Variants in PPHLN1 observed in about 807,000 individuals in gnomAD.
The protein encoded by PPHLN1 is periphilin 1, also known as periphilin-1.
PPHLN1 carries 29 observed loss-of-function variants against 51.3 expected under a neutral mutation model. The ratio of observed to expected loss-of-function variants is 0.57; its 90% CI spans 0.42 to 0.77. PPHLN1 has a LOEUF of 0.77. PPHLN1 is among the 30% of genes least tolerant of loss of function. PPHLN1 has a pLI of 0.00. For synonymous variants in PPHLN1, 147 were observed against 147.8 expected (o/e 0.99, Z 0.04); for missense variants, 436 against 438.4 (o/e 0.99, Z 0.05).
rs575176479 is a variant in PPHLN1 at position 42,335,223 on chromosome 12, CT to C, written c.-20-658del. ...AAAGAATACACCGTCCCACCCCCCC[CT>C]TCTCTGAATCCCAAACCTGAAAAAT... On this transcript the variant is annotated intron_variant, in intron 1 of 9. Coordinates refer to ENST00000358314, the MANE Select transcript of PPHLN1 (RefSeq NM_201439.2). Among the ~76,000 whole-genome samples, 259 of 152,194 alleles carry C rather than the reference CT, an allele frequency of 1.7e-3. 3 individuals are homozygous for C. Among genetic ancestry groups the C allele is most frequent in the African/African-American group, 5.8e-3 (239 of 41,506 alleles).
At chr12:42,327,019 C>A (rs1194734938) in intron 1 of PPHLN1, among the ~76,000 whole-genome samples, 1 of 152,206 alleles carries the variant, frequency 6.6e-6, no homozygotes, top group Admixed American at 6.5e-5. Context: ...CTGAATGCCT[C>A]CGTGGCCGAC....
At chr12:42,431,345 A>G (rs2082019207) in intron 9 of PPHLN1, among the ~76,000 whole-genome samples, 2 of 152,254 alleles carry the variant, frequency 1.3e-5, no homozygotes, top group South Asian at 4.1e-4. Flanking sequence ...CATAAAGAAT[A>G]TTATGTTAGG....
rs1016868664 is a variant in PPHLN1, at chr12:42,337,273, T to C, written c.72+1299T>C. Among the ~76,000 whole-genome samples, 6 of 151,394 alleles carry C rather than the reference T, an allele frequency of 4.0e-5. No individual in the cohort carries two copies. In the East Asian group the frequency reaches 7.7e-4, roughly 19 times the overall value. ...GTTTTTTTTTTTCTTTTTTCTTTTT[T>C]TTTTTTTGAGATGGAGTTTCACTCT... On this transcript the variant is annotated intron_variant, in intron 2 of 9. Transcript: ENST00000358314.
At chr12:42,446,665 A>G, downstream of PPHLN1, 4 of 1,580,346 alleles carry the variant, frequency 2.5e-6, no homozygotes, top group South Asian at 1.2e-5. Flanking sequence ...GTACTCGTCA[A>G]TCAACAAAAC....
chr12:42,393,555 T>A lies in PPHLN1; in HGVS notation c.649-15T>A. 1.9e-6 allele frequency: 3 copies of A among 1,576,372 alleles called. No homozygotes were observed. The highest frequency in any genetic ancestry group is 2.6e-6 in the Non-Finnish European group (3 of 1,166,588). Reference sequence around the variant, plus strand: ...GCCCTTGAGAATTGTAACAGAAATGTTCTATTTTTATTAGGTGTTAGACAA... The same window carrying A: ...GCCCTTGAGAATTGTAACAGAAATGATCTATTTTTATTAGGTGTTAGACAA... On this transcript the variant is annotated splice_polypyrimidine_tract_variant and intron_variant, in intron 7 of 9. Transcript: ENST00000358314.
chr12:42,334,065 T>C (rs1281959715), intron 1 of PPHLN1, among the ~76,000 whole-genome samples: 2 of 152,222 alleles, frequency 1.3e-5, no homozygotes, highest in African/African-American at 4.8e-5. Flanking sequence ...TTCTCTGTAC[T>C]GTATCTTAAA....
At chr12:42,350,930 C>G (rs997325576) in intron 2 of PPHLN1, among the ~76,000 whole-genome samples, 1 of 151,180 alleles carries the variant, frequency 6.6e-6, no homozygotes, top group Non-Finnish European at 1.5e-5. Flanking sequence ...AGTCCAGCCT[C>G]GGCAACAGAG....
chr12:42,426,217 CA>C (rs1566010336), intron 9 of PPHLN1, among the ~76,000 whole-genome samples: 126 of 124,456 alleles, frequency 1.0e-3, no homozygotes, highest in South Asian at 8.4e-3. Flanking sequence ...CACACACACA[CA>C]CACACACACA....
chr12:42,382,712 T>C (rs10880299), intron 5 of PPHLN1, among the ~76,000 whole-genome samples: 30,358 of 151,984 alleles, frequency 0.2, 3,437 homozygotes, highest in African/African-American at 0.3. Flanking sequence ...TAAGGAACAA[T>C]AACCAACAAA....
At chr12:42,355,873 T>A (rs1011090135) in intron 4 of PPHLN1, among the ~76,000 whole-genome samples, 1 of 152,186 alleles carries the variant, frequency 6.6e-6, no homozygotes, top group Non-Finnish European at 1.5e-5. Context: ...TTTGCTTAAT[T>A]AGAAAGTAAG....
intron 4 of PPHLN1, among the ~76,000 whole-genome samples, chr12:42,363,792 T>TA (rs2074973562): frequency 1.3e-5 from 2 of 152,260 alleles, no homozygotes; most frequent in South Asian, 4.1e-4. Context: ...AAAACATACT[T>TA]ATAGATGAAA....
chr12:42,413,506 T>C (rs2600912), intron 9 of PPHLN1, among the ~76,000 whole-genome samples: 41,546 of 150,650 alleles, frequency 0.28, 7,244 homozygotes, highest in Non-Finnish European at 0.38. Flanking sequence ...CATGCTGTTT[T>C]GATAACTATA....
chr12:42,442,062 A>G lies in PPHLN1; in HGVS notation c.*553A>G, dbSNP rs567874908. On this transcript the variant is annotated 3_prime_UTR_variant, in exon 10 of 10. Transcript: ENST00000358314. ...ATCCGTTTTTCCAAGTAATGAACTC[A>G]GTGTCTTCTATTACAATAATCCTGA... 83 of 705,128 alleles carry G rather than the reference A, an allele frequency of 1.2e-4. No individual in the cohort carries two copies. In the African/African-American group the frequency reaches 1.5e-3, roughly 13 times the overall value. The allele number at this position is 705,128 out of a possible 1,614,324, so 43.7% of individuals were successfully genotyped here.
chr12:42,327,697 C>A (rs1415433475), intron 1 of PPHLN1, among the ~76,000 whole-genome samples: 2 of 152,202 alleles, frequency 1.3e-5, no homozygotes, highest in African/African-American at 4.8e-5. Flanking sequence ...CCCTACTAAG[C>A]GAGACTGTCG....
intron 9 of PPHLN1, among the ~76,000 whole-genome samples, chr12:42,418,217 T>TG (rs1435581893): frequency 2.0e-3 from 125 of 60,978 alleles, no homozygotes; most frequent in African/African-American, 5.6e-3. Flanking sequence ...CCCTCTTTTT[T>TG]TTTTTTTTTT....
intron 4 of PPHLN1, 80 bp from the exon 5 acceptor site, chr12:42,374,783 A>C: frequency 8.3e-7 from 1 of 1,203,618 alleles, no homozygotes; most frequent in Non-Finnish European, 1.2e-6. Context: ...GGTAGCTTAT[A>C]AGCAGAGCTT....
chr12:42,332,603 A>G, intron 1 of PPHLN1: 1 of 1,129,750 alleles, frequency 8.9e-7, no homozygotes, highest in South Asian at 1.3e-5. Context: ...TTATTTCTCT[A>G]TATTGGTTGG....
chr12:42,414,463 T>C (rs1345703327), intron 9 of PPHLN1, among the ~76,000 whole-genome samples: 1 of 152,246 alleles, frequency 6.6e-6, no homozygotes, highest in Non-Finnish European at 1.5e-5. Context: ...CTTCTTGTAA[T>C]TCTCCTTGTA....
In PPHLN1 at chr12:42,378,100, CTTTCT is replaced by C. The variant is rs1431890398; in HGVS notation, c.511+3029_511+3033del. ...TATCTATCTATCTTTCTCTTTCTTTCTTTCTTTCTTTCTTTCTTTCTTTCTTTCTT... is the reference window on the plus strand; with the variant it reads ...TATCTATCTATCTTTCTCTTTCTTTCTTCTTTCTTTCTTTCTTTCTTTCTT... On this transcript the variant is annotated intron_variant, in intron 5 of 9. Transcript: ENST00000358314. 1.2e-4 allele frequency among the ~76,000 whole-genome samples: 7 copies of C among 58,888 alleles called. No individual in the cohort carries two copies. In the East Asian group the frequency reaches 2.1e-3, roughly 17 times the overall value. The allele number at this position is 58,888 out of a possible 152,430, so 38.6% of individuals were successfully genotyped here. A position where few individuals can be genotyped will look rare whatever the true frequency, so the allele number is the denominator to read the frequency against.
Sources: gnomAD v4.1 joint callset for allele counts (sites outside exome capture counted in the v4.1 genomes callset) on GRCh38, gnomAD v4.1.1 for gene constraint, MANE v1.5 for transcripts, NCBI Gene and HGNC (gene_info 2026-07-23, HGNC 2026-07-21) for gene names.